CHN1: variants seen among roughly 807,000 people sequenced by gnomAD.
CHN1 encodes the protein chimerin 1, also known as N-chimaerin.
CHN1 carries 37 observed loss-of-function variants against 59.5 expected under a neutral mutation model. The observed-to-expected ratio is 0.62, with a 90% confidence interval of 0.48 to 0.82. CHN1 has a LOEUF of 0.82. CHN1 is among the 40% of genes least tolerant of loss of function. The pLI is 0.00. For missense variants in CHN1, 469 were observed against 571.0 expected, an observed-to-expected ratio of 0.82 and a Z score of 1.82; for synonymous variants, 206 against 200.4, an observed-to-expected ratio of 1.03 and a Z score of -0.24.
intron 1 of CHN1, among the ~76,000 whole-genome samples, chr2:174,959,358 C>T (rs1475487193): frequency 2.6e-5 from 4 of 151,674 alleles, no homozygotes; most frequent in Non-Finnish European, 5.9e-5. Context: ...GAGAGAAAAG[C>T]GGCTTGAATG....
At chr2:174,938,002 A>G (rs1467754075) in intron 3 of CHN1, among the ~76,000 whole-genome samples, 1 of 152,146 alleles carries the variant, frequency 6.6e-6, no homozygotes, top group South Asian at 2.1e-4. Context: ...AAAATGAACT[A>G]ACACAGTAGC....
chr2:174,863,473 A>T (rs1170571803), intron 6 of CHN1, among the ~76,000 whole-genome samples: 2 of 152,184 alleles, frequency 1.3e-5, no homozygotes, highest in Non-Finnish European at 2.9e-5. Context: ...CAGAAATGTA[A>T]AACACTGCTA....
intron 5 of CHN1, among the ~76,000 whole-genome samples, chr2:174,898,491 C>T (rs1422401001): frequency 6.6e-6 from 1 of 151,406 alleles, no homozygotes; most frequent in Non-Finnish European, 1.5e-5. Flanking sequence ...GTAGTCCCAG[C>T]TACTTAGGAG....
chr2:174,889,978 C>A (rs1420327289), intron 5 of CHN1, among the ~76,000 whole-genome samples: 2 of 143,454 alleles, frequency 1.4e-5, no homozygotes, highest in African/African-American at 5.9e-5. Flanking sequence ...AATAAAAAAA[C>A]AATGAAACAA....
chr2:174,921,608 G>C (rs1002761838), intron 3 of CHN1, among the ~76,000 whole-genome samples: 55 of 151,960 alleles, frequency 3.6e-4, no homozygotes, highest in Admixed American at 3.6e-3. Flanking sequence ...ATGAAACTGG[G>C]TAATTTATAA....
chr2:174,969,740 T>A (rs1690700698), intron 1 of CHN1, among the ~76,000 whole-genome samples: 1 of 152,128 alleles, frequency 6.6e-6, no homozygotes, highest in Admixed American at 6.6e-5. Context: ...ATACTACATA[T>A]TTTATCAATT....
chr2:174,974,607 AT>A (rs746168315), intron 1 of CHN1, among the ~76,000 whole-genome samples: 4 of 152,192 alleles, frequency 2.6e-5, no homozygotes, highest in Admixed American at 6.5e-5. Context: ...TTTCTCATAA[AT>A]TTTTAAATAT....
chr2:174,901,246 T>G (rs1160886740), intron 5 of CHN1, among the ~76,000 whole-genome samples: 2 of 152,310 alleles, frequency 1.3e-5, no homozygotes, highest in Non-Finnish European at 1.5e-5. Flanking sequence ...CAACTCACTG[T>G]GCTCCCGGCC....
chr2:174,976,057 C>T (rs1351080414), intron 1 of CHN1, among the ~76,000 whole-genome samples: 2 of 118,094 alleles, frequency 1.7e-5, no homozygotes, highest in Non-Finnish European at 3.3e-5. Context: ...ACCCGGGAGG[C>T]GGAGCTTGCA....
At chr2:174,869,224 C>T (rs547739978) in intron 6 of CHN1, among the ~76,000 whole-genome samples, 5 of 152,140 alleles carry the variant, frequency 3.3e-5, no homozygotes, top group Non-Finnish European at 7.4e-5. Flanking sequence ...CCTAATGATA[C>T]GACTGAACTT....
chr2:175,005,162 T>G lies in CHN1; in HGVS notation c.-250A>C, dbSNP rs1186362530. On this transcript the variant is annotated 5_prime_UTR_variant, in exon 1 of 13. Coordinates refer to ENST00000409900, the MANE Select transcript of CHN1 (RefSeq NM_001822.7). Reference sequence around the variant, plus strand: ...CGCTAGCTCTCCGCGAGCCGGCACTTGTCGCTGCCATCAGGCGCGGAGCGT... The same window carrying G: ...CGCTAGCTCTCCGCGAGCCGGCACTGGTCGCTGCCATCAGGCGCGGAGCGT... The G allele has an allele frequency of 1.6e-6, 2 of 1,280,652 alleles. No individual in the cohort carries two copies. Among genetic ancestry groups the G allele is most frequent in the African/African-American group, 1.6e-5 (1 of 63,206 alleles). The allele number at this position is 1,280,652 out of a possible 1,614,324, so 79.3% of individuals were successfully genotyped here.
At chr2:174,844,738 T>C (rs1160909301) in intron 7 of CHN1, among the ~76,000 whole-genome samples, 1 of 152,168 alleles carries the variant, frequency 6.6e-6, no homozygotes, top group African/African-American at 2.4e-5. Context: ...TCTTATTTTT[T>C]ATAGTGCCAC....
intron 8 of CHN1, among the ~76,000 whole-genome samples, chr2:174,821,303 C>G (rs896387968): frequency 2.0e-5 from 3 of 152,162 alleles, no homozygotes; most frequent in African/African-American, 4.8e-5. Flanking sequence ...CTGGCTCCTT[C>G]CTCTGTCTTC....
intron 1 of CHN1, among the ~76,000 whole-genome samples, chr2:174,975,300 T>A (rs1373990774): frequency 6.6e-6 from 1 of 152,172 alleles, no homozygotes; most frequent in African/African-American, 2.4e-5. Flanking sequence ...TTTTTTTAAT[T>A]TTTAAAATAT....
chr2:174,824,522 A>G lies in CHN1; in HGVS notation c.628-4T>C. 1.1e-6 allele frequency: 1 copy of G among 947,786 alleles called. No homozygotes were observed. Among genetic ancestry groups the G allele is most frequent in the Non-Finnish European group, 1.4e-6 (1 of 693,758 alleles). 58.7% of individuals were successfully genotyped at this position (947,786 alleles called of 1,614,324 possible). On this transcript the variant is annotated splice_polypyrimidine_tract_variant and splice_region_variant and intron_variant, in intron 7 of 12. Transcript: ENST00000409900. The stretch of plus-strand genomic sequence containing the variant: ...GTGGCCCTCTGAATGTATGCACCTG[A>G]AAAAAAAAAAGAGGGGCAAAGTCAG...
intron 1 of CHN1, among the ~76,000 whole-genome samples, chr2:174,957,626 C>T (rs1192574281): frequency 6.6e-6 from 1 of 152,050 alleles, no homozygotes; most frequent in African/African-American, 2.4e-5. Flanking sequence ...GAGCGAGTTT[C>T]CAGTTTATAA....
intron 5 of CHN1, among the ~76,000 whole-genome samples, chr2:174,894,075 GA>G (rs1253605144): frequency 6.6e-6 from 1 of 152,016 alleles, no homozygotes; most frequent in African/African-American, 2.4e-5. Context: ...TCTTGGATAT[GA>G]CACCAAAAGC....
intron 6 of CHN1, chr2:174,847,831 G>T: frequency 2.2e-6 from 1 of 452,020 alleles, no homozygotes; most frequent in Non-Finnish European, 4.0e-6. Flanking sequence ...AAATGAATGA[G>T]TCATGCATTA....
chr2:174,947,728 C>T (rs1050724086), intron 2 of CHN1, among the ~76,000 whole-genome samples: 1 of 152,070 alleles, frequency 6.6e-6, no homozygotes, highest in Non-Finnish European at 1.5e-5. Flanking sequence ...AAGTGATACT[C>T]CCACCTTGGC....
Sources: allele counts gnomAD v4.1 joint callset (sites outside exome capture counted in the v4.1 genomes callset), GRCh38; gene constraint gnomAD v4.1.1; transcripts MANE v1.5; gene names NCBI Gene and HGNC (gene_info 2026-07-23, HGNC 2026-07-21).